The following SETD9 variants were observed in gnomAD, a reference collection of about 807,000 sequenced individuals.
SETD9 encodes SET domain containing 9.
Under a neutral mutation model 36.4 loss-of-function variants are expected in SETD9, and 37 were observed. The observed-to-expected ratio is 1.02, with a 90% confidence interval of 0.78 to 1.34. The LOEUF (loss-of-function observed/expected upper bound fraction) is 1.34, where lower values mean the gene tolerates loss of function less well. Among genes scored for constraint, SETD9 ranks in the 40% most tolerant of loss-of-function variants. The pLI is 0.00. For synonymous variants in SETD9, 128 were observed against 132.9 expected (o/e 0.96, Z 0.26); for missense variants, 323 against 353.2 (o/e 0.91, Z 0.69).
At chr5:56,920,710 T>C (rs1215735036), downstream of SETD9, 1 of 152,264 alleles carries the variant, frequency 6.6e-6, no homozygotes, top group Non-Finnish European at 1.5e-5. Context: ...TGGTACAATT[T>C]ATGAATGTCA....
intron 5 of SETD9, among the ~76,000 whole-genome samples, chr5:56,924,619 GC>G (rs1749869022): frequency 6.6e-6 from 1 of 152,164 alleles, no homozygotes; most frequent in East Asian, 1.9e-4. Context: ...TAAAGGCAGG[GC>G]TTTCTCCCTC....
At chr5:56,911,011 A>G (rs1382029976) in intron 1 of SETD9, 158 bp from the exon 2 acceptor site, 2 of 742,910 alleles carry the variant, frequency 2.7e-6, no homozygotes, top group Admixed American at 7.0e-5. Context: ...GCTAACTAGA[A>G]CTCCCTCAAA....
At chr5:56,909,522 A>T (rs1481380382), upstream of SETD9, 8 of 644,446 alleles carry the variant, frequency 1.2e-5, no homozygotes, top group Non-Finnish European at 2.0e-5. Context: ...GGTGCCAGGA[A>T]CACTGAGAGC....
At chr5:56,913,791 CACTGGT>C in intron 3 of SETD9, 77 bp from the exon 4 acceptor site, 2 of 669,354 alleles carry the variant, frequency 3.0e-6, no homozygotes, top group Non-Finnish European at 2.4e-6. Flanking sequence ...AGAAAAAATG[CACTGGT>C]GTAATTCTAG....
intron 5 of SETD9, chr5:56,924,129 A>G (rs995142093): frequency 9.4e-6 from 12 of 1,282,558 alleles, no homozygotes; most frequent in Non-Finnish European, 1.3e-5. Flanking sequence ...TACAACTTCA[A>G]TCCATGGGTC....
At chr5:56,913,171 A>C (rs1356587823) in intron 3 of SETD9, 37 bp downstream of exon 3, 1 of 1,602,472 alleles carries the variant, frequency 6.2e-7, no homozygotes. Context: ...ATTATAGGAG[A>C]CAGAACCGCA....
chr5:56,909,477 G>C (rs754838533), upstream of SETD9: 12 of 532,478 alleles, frequency 2.3e-5, no homozygotes, highest in Non-Finnish European at 3.0e-5. Context: ...TCAGGAAAGG[G>C]GAAGGACGAA....
At chr5:56,910,029 C>T (rs912798800) in intron 1 of SETD9, 36 of 1,347,074 alleles carry the variant, frequency 2.7e-5, no homozygotes, top group Middle Eastern at 5.8e-4. Flanking sequence ...CCTATGGCCT[C>T]TTTCCCAGTG....
At chr5:56,909,410 A>C (rs546632855), upstream of SETD9, 50 of 410,270 alleles carry the variant, frequency 1.2e-4, no homozygotes, top group Middle Eastern at 6.4e-4. Flanking sequence ...GAGAAAGAAA[A>C]AGTGGTCAAG....
Position 56,909,695 on chromosome 5 carries a change from A to T in SETD9, c.50A>T (p.Lys17Met). 1 of 1,610,796 alleles carries T rather than the reference A, an allele frequency of 6.2e-7. No individual in the cohort carries two copies. Among genetic ancestry groups the T allele is most frequent in the East Asian group, 2.2e-5 (1 of 44,626 alleles). The change falls in exon 1 of 6, where the codon AAG becomes ATG. Residue 17 changes from lysine to methionine, a missense_variant. Physicochemically the swap from Lys to Met is moderately conservative, Grantham distance 95. Transcript: ENST00000285947. ...RGLWQRWRRYKYRFVPWIALN... is the reference protein window; with the variant it reads ...RGLWQRWRRYMYRFVPWIALN... ...CTGTGGCAGCGATGGCGCCGTTACAAGTACCGCTTCGTTCCCTGGATCGCA... is the reference window on the plus strand; with the variant it reads ...CTGTGGCAGCGATGGCGCCGTTACATGTACCGCTTCGTTCCCTGGATCGCA...
chr5:56,909,634 C>A lies in SETD9; in HGVS notation c.-12C>A. ...CCCCGCGCCGTCCTGGTCACGGCCC[C>A]GCGGGGCAGCCATGCCTGGCCGTCT... On this transcript the variant is annotated 5_prime_UTR_variant, in exon 1 of 6. Transcript: ENST00000285947. 1 of 1,599,578 alleles carries A rather than the reference C, an allele frequency of 6.3e-7. No individual in the cohort carries two copies. Among genetic ancestry groups the A allele is most frequent in the Non-Finnish European group, 8.5e-7 (1 of 1,174,594 alleles).
chr5:56,924,015 C>T (rs1749826699), intron 5 of SETD9: 5 of 1,613,806 alleles, frequency 3.1e-6, no homozygotes, highest in Non-Finnish European at 3.4e-6. Flanking sequence ...TAGAATGCTA[C>T]ACACTCAGCA....
At chr5:56,926,682 C>T (rs941450041), downstream of SETD9, among the ~76,000 whole-genome samples, 9 of 152,112 alleles carry the variant, frequency 5.9e-5, no homozygotes, top group African/African-American at 2.2e-4. Flanking sequence ...AAAATAAACA[C>T]ATTTTCACCA....
chr5:56,909,823 A>T, intron 1 of SETD9, 80 bp downstream of exon 1: 1 of 1,293,678 alleles, frequency 7.7e-7, no homozygotes, highest in South Asian at 1.3e-5. Context: ...CGCAAAGCGG[A>T]GAGCCTGAGG....
chr5:56,924,053 A>G (rs749169048), intron 5 of SETD9: 19 of 1,587,600 alleles, frequency 1.2e-5, no homozygotes, highest in Non-Finnish European at 1.6e-5. Context: ...CTAATGAAAA[A>G]GTTGAATTTT....
upstream of SETD9, chr5:56,909,417 C>T (rs533230862): frequency 2.1e-4 from 89 of 430,448 alleles, no homozygotes; most frequent in African/African-American, 1.7e-3. Flanking sequence ...AAAAAGTGGT[C>T]AAGGGGACCT....
intron 3 of SETD9, among the ~76,000 whole-genome samples, chr5:56,913,650 T>C (rs7704333): frequency 0.021 from 3,263 of 152,070 alleles, 124 homozygotes; most frequent in African/African-American, 0.075. Flanking sequence ...TCCCAAAGTA[T>C]TGGGATTACA....
intron 5 of SETD9, chr5:56,923,475 C>T (rs1749782294): frequency 1.2e-6 from 2 of 1,614,168 alleles, no homozygotes. Flanking sequence ...TCTGTTACAA[C>T]AGGCACATGA....
At chr5:56,926,265 A>G (rs1439470664), downstream of SETD9, among the ~76,000 whole-genome samples, 1 of 151,772 alleles carries the variant, frequency 6.6e-6, no homozygotes, top group East Asian at 1.9e-4. Flanking sequence ...AAAATTAAAA[A>G]CTTTTACTCT....
Sources: allele counts gnomAD v4.1 joint callset (sites outside exome capture counted in the v4.1 genomes callset), GRCh38; gene constraint gnomAD v4.1.1; transcripts MANE v1.5; gene names NCBI Gene and HGNC (gene_info 2026-07-23, HGNC 2026-07-21).